Variants in PPEF1 observed in about 807,000 individuals in gnomAD.
The protein encoded by PPEF1 is serine/threonine-protein phosphatase with EF-hands 1.
PPEF1 carries 12 observed loss-of-function variants against 53.3 expected under a neutral mutation model. The ratio of observed to expected loss-of-function variants is 0.23; its 90% CI spans 0.14 to 0.36. PPEF1 has a LOEUF of 0.36. Ranked by LOEUF, PPEF1 falls within the 10% of genes least tolerant of loss-of-function variation. The pLI is 1.00. For synonymous variants in PPEF1, 165 were observed against 176.7 expected (o/e 0.93, Z 0.52); for missense variants, 334 against 490.4 (o/e 0.68, Z 3.01).
intron 3 of PPEF1, among the ~76,000 whole-genome samples, chrX:18,686,943 A>T (rs1929106183): frequency 9.0e-6 from 1 of 110,951 alleles, no homozygotes; most frequent in African/African-American, 3.3e-5. Context: ...CCAGGTCTCA[A>T]GCTCGTCCCT....
chrX:18,709,241 C>A (rs2044267814), intron 1 of PPEF1, among the ~76,000 whole-genome samples: 2 of 111,737 alleles, frequency 1.8e-5, no homozygotes, highest in South Asian at 7.4e-4. Flanking sequence ...AACCCCTTAT[C>A]CATTAAGCAC....
At chrX:18,750,036 C>T in intron 4 of PPEF1, 84 bp downstream of exon 4, 1 of 891,357 alleles carries the variant, frequency 1.1e-6, no homozygotes, top group Non-Finnish European at 1.6e-6. Flanking sequence ...CATACCACAG[C>T]AGAGATGCAT....
chrX:18,817,172 CT>C (rs2046937285), intron 12 of PPEF1, among the ~76,000 whole-genome samples: 1 of 108,829 alleles, frequency 9.2e-6, no homozygotes, highest in Non-Finnish European at 1.9e-5. Context: ...TGTTTTGTTC[CT>C]CTGTTCCTCC....
At chrX:18,721,221 TAAA>T (rs1318855728) in intron 1 of PPEF1, among the ~76,000 whole-genome samples, 5 of 111,727 alleles carry the variant, frequency 4.5e-5, no homozygotes, top group Admixed American at 9.6e-5. Context: ...TTTAGGCAGT[TAAA>T]AAAACTAATG....
rs769354165 is a variant in PPEF1 at position 18,749,817 on chromosome X, C to T, written c.261C>T (p.Ser87=). The change falls in exon 4 of 16, where the codon AGC becomes AGT. Residue 87 remains serine (S), a synonymous_variant. Transcript: ENST00000470157. Reference sequence around the variant, plus strand: ...AATTAAGAAATCAGTCTCTTGAAAGCGAACAGGACATGAGGGATAGATGGG... The same window carrying T: ...AATTAAGAAATCAGTCTCTTGAAAGTGAACAGGACATGAGGGATAGATGGG... ...ELELRNQSLE[S]EQDMRDRWDY... 4 of 1,068,868 alleles carry T rather than the reference C, an allele frequency of 3.7e-6. No individual in the cohort carries two copies. Among genetic ancestry groups the T allele is most frequent in the East Asian group, 4.3e-5 (1 of 23,029 alleles). 88.1% of individuals were successfully genotyped at this position (1,068,868 alleles called of 1,213,427 possible). A position where few individuals can be genotyped will look rare whatever the true frequency, so the allele number is the denominator to read the frequency against.
intron 11 of PPEF1, 125 bp downstream of exon 11, chrX:18,804,202 C>T: frequency 1.7e-6 from 1 of 591,495 alleles, no homozygotes; most frequent in Non-Finnish European, 2.5e-6. Flanking sequence ...AAACAGAAAC[C>T]AGAGAAGGCG....
In PPEF1 at chrX:18,757,700, C is replaced by T; in HGVS notation, c.470C>T (p.Thr157Ile). The T allele has an allele frequency of 8.3e-7, 1 of 1,210,896 alleles. No homozygotes were observed. Among genetic ancestry groups the T allele is most frequent in the Non-Finnish European group, 1.1e-6 (1 of 894,698 alleles). ...GTCCTGAAGCAAATGCCGAATTTCA[C>T]TCACATACAAACTTCTCCCTCCAAA... The part of the protein sequence containing the change: ...KKVLKQMPNF[T>I]HIQTSPSKEV... Residue 157 changes from threonine to isoleucine, a missense_variant, in exon 5 of 16, where the codon ACT becomes ATT. Coordinates refer to ENST00000470157, the MANE Select transcript of PPEF1 (RefSeq NM_001377996.1).
chrX:18,789,354 T>G, intron 10 of PPEF1, 81 bp downstream of exon 10: 1 of 965,193 alleles, frequency 1.0e-6, no homozygotes, highest in Non-Finnish European at 1.4e-6. Context: ...AGATAAAAAG[T>G]GACTTTACCT....
chrX:18,743,025 T>G (rs1025231248), intron 3 of PPEF1, among the ~76,000 whole-genome samples: 1 of 111,791 alleles, frequency 8.9e-6, no homozygotes, highest in Non-Finnish European at 1.9e-5. Flanking sequence ...CCATACTCTA[T>G]CGGTTAAAAC....
chrX:18,813,859 C>T (rs985069475), intron 12 of PPEF1, among the ~76,000 whole-genome samples: 1 of 111,591 alleles, frequency 9.0e-6, no homozygotes, highest in East Asian at 2.8e-4. Flanking sequence ...CTTTTATTTT[C>T]GATTCAAGGA....
intron 11 of PPEF1, among the ~76,000 whole-genome samples, chrX:18,805,866 C>T (rs189454644): frequency 0.023 from 2,473 of 105,956 alleles, 78 homozygotes; most frequent in African/African-American, 0.081. Context: ...AAAAATTGTC[C>T]TCCCATATTC....
At position 18,676,361 on chromosome X, in the gene PPEF1, A is replaced by C. The variant is rs1180175606; in HGVS notation, c.-587+231A>C. On this transcript the variant is annotated intron_variant, in intron 1 of 20. Coordinates refer to the PPEF1 transcript ENST00000689646. ...GCCATGTAATCCCCCCCACACACAC[A>C]CCCCCGCCCCCCGCCCAGAAGTAGA... Among the ~76,000 whole-genome samples, 4 of 103,644 alleles carry C rather than the reference A, an allele frequency of 3.9e-5. No individual in the cohort carries two copies. In the Admixed American group the frequency reaches 4.1e-4, roughly 11 times the overall value. The allele number at this position is 103,644 out of a possible 115,157, so 90.0% of individuals were successfully genotyped here.
At chrX:18,712,309 C>G (rs2044348951) in intron 1 of PPEF1, among the ~76,000 whole-genome samples, 1 of 111,572 alleles carries the variant, frequency 9.0e-6, no homozygotes, top group Non-Finnish European at 1.9e-5. Flanking sequence ...GTCTTTCCAT[C>G]TATTTAGATC....
intron 4 of PPEF1, among the ~76,000 whole-genome samples, chrX:18,753,580 T>C (rs1296993017): frequency 8.9e-6 from 1 of 111,985 alleles, no homozygotes; most frequent in Non-Finnish European, 1.9e-5. Flanking sequence ...AATGTGTGCA[T>C]TTACAGCTAC....
chrX:18,728,531 T>C (rs1224425863), intron 1 of PPEF1, among the ~76,000 whole-genome samples: 1 of 111,507 alleles, frequency 9.0e-6, no homozygotes. Flanking sequence ...TTTTGGGGGC[T>C]ACAATTCAAG....
chrX:18,697,054 G>T (rs1929768476), intron 4 of PPEF1, among the ~76,000 whole-genome samples: 1 of 112,373 alleles, frequency 8.9e-6, no homozygotes, highest in Non-Finnish European at 1.9e-5. Flanking sequence ...TGTGAAATAG[G>T]AGAGGCTTGC....
intron 6 of PPEF1, among the ~76,000 whole-genome samples, chrX:18,766,982 G>A (rs1278897085): frequency 1.8e-5 from 2 of 111,863 alleles, no homozygotes; most frequent in East Asian, 5.6e-4. Context: ...AACCCGAGAG[G>A]CAGAGGTTGC....
In PPEF1 at chrX:18,795,168, G is replaced by A. The variant is rs753772443; in HGVS notation, c.1065+5895G>A. On this transcript the variant is annotated intron_variant, in intron 10 of 15. Coordinates refer to ENST00000470157, the MANE Select transcript of PPEF1 (RefSeq NM_001377996.1). ...CTATAAAAAGTACAAAAATTAGCTG[G>A]GCGTGGTGGTGCATGCCTGTAGTAC... is the stretch of plus-strand genomic sequence containing the variant. Among the ~76,000 whole-genome samples the A allele has an allele frequency of 8.1e-4, 90 of 111,043 alleles. 1 individual carries two copies. The highest frequency in any genetic ancestry group is 7.1e-3 in the Admixed American group (74 of 10,458).
At chrX:18,825,288 A>G (rs1318221490) in intron 14 of PPEF1, among the ~76,000 whole-genome samples, 1 of 111,458 alleles carries the variant, frequency 9.0e-6, no homozygotes, top group Non-Finnish European at 1.9e-5. Context: ...AAGTATCCCC[A>G]GGAAGGAGGC....
Sources: gnomAD v4.1 joint callset for allele counts (sites outside exome capture counted in the v4.1 genomes callset) on GRCh38, gnomAD v4.1.1 for gene constraint, MANE v1.5 for transcripts, NCBI Gene and HGNC (gene_info 2026-07-23, HGNC 2026-07-21) for gene names.